Variants in CACNA2D3 observed in about 807,000 individuals in gnomAD.
CACNA2D3 encodes calcium voltage-gated channel auxiliary subunit alpha2delta 3, also known as voltage-dependent calcium channel subunit alpha-2/delta-3.
Under a neutral mutation model 160.6 loss-of-function variants are expected in CACNA2D3, and 60 were observed. The ratio of observed to expected loss-of-function variants is 0.37; its 90% confidence interval spans 0.30 to 0.46. The LOEUF is 0.46. Ranked by LOEUF, CACNA2D3 falls within the 20% of genes least tolerant of loss-of-function variation. CACNA2D3 has a pLI of 1.00. For missense variants in CACNA2D3, 1,205 were observed against 1,365.0 expected (o/e 0.88, Z 1.85); for synonymous variants, 558 against 492.9 (o/e 1.13, Z -1.75).
chr3:55,007,645 C>A (rs1167149917), intron 32 of CACNA2D3, 145 bp from the exon 33 acceptor site: 2 of 585,788 alleles, frequency 3.4e-6, no homozygotes, highest in Non-Finnish European at 5.9e-6. Flanking sequence ...CAACAATTTT[C>A]TTCACTTAGC....
At chr3:54,290,575 C>G (rs568805614) in intron 2 of CACNA2D3, among the ~76,000 whole-genome samples, 75 of 150,512 alleles carry the variant, frequency 5.0e-4, no homozygotes, top group African/African-American at 1.7e-3. Context: ...ACCCAAAGGA[C>G]TATAAATCAT....
intron 11 of CACNA2D3, among the ~76,000 whole-genome samples, chr3:54,727,703 A>G (rs1011773074): frequency 3.3e-5 from 5 of 152,228 alleles, no homozygotes; most frequent in Non-Finnish European, 7.3e-5. Context: ...TGGGAGTTCA[A>G]CAATGAAAAC....
intron 30 of CACNA2D3, among the ~76,000 whole-genome samples, chr3:54,987,436 T>G (rs1210536208): frequency 6.6e-6 from 1 of 152,192 alleles, no homozygotes. Flanking sequence ...ATGCGTGTTT[T>G]AATTTCAGCA....
intron 4 of CACNA2D3, among the ~76,000 whole-genome samples, chr3:54,394,726 G>C (rs1289821806): frequency 1.1e-5 from 1 of 93,628 alleles, no homozygotes; most frequent in Non-Finnish European, 2.1e-5. Context: ...TTGGACATTT[G>C]GGTTGGTTCC....
intron 3 of CACNA2D3, among the ~76,000 whole-genome samples, chr3:54,383,641 A>G (rs1019510318): frequency 6.6e-6 from 1 of 152,224 alleles, no homozygotes; most frequent in Non-Finnish European, 1.5e-5. Context: ...ATGTACTAAA[A>G]TGAGAGCAAT....
At chr3:54,234,802 A>G (rs960177542) in intron 2 of CACNA2D3, among the ~76,000 whole-genome samples, 2 of 152,142 alleles carry the variant, frequency 1.3e-5, no homozygotes, top group African/African-American at 4.8e-5. Flanking sequence ...AGTGGGAGCT[A>G]AATGATGAGA....
chr3:54,161,152 G>A (rs1238691268), intron 2 of CACNA2D3, among the ~76,000 whole-genome samples: 2 of 152,122 alleles, frequency 1.3e-5, no homozygotes, highest in Non-Finnish European at 2.9e-5. Context: ...ACGTAAAAGC[G>A]GTGTGAATCC....
intron 4 of CACNA2D3, among the ~76,000 whole-genome samples, chr3:54,435,209 C>G (rs567104446): frequency 6.6e-6 from 1 of 152,246 alleles, no homozygotes; most frequent in South Asian, 2.1e-4. Context: ...CACTCCACTC[C>G]CCTGCCCTTT....
intron 4 of CACNA2D3, among the ~76,000 whole-genome samples, chr3:54,442,398 G>A (rs1161204043): frequency 6.6e-6 from 1 of 152,124 alleles, no homozygotes; most frequent in African/African-American, 2.4e-5. Context: ...TGTGCTTGGA[G>A]GTGTAGCAGC....
chr3:54,143,002 A>G (rs62250997), intron 2 of CACNA2D3, among the ~76,000 whole-genome samples: 8,161 of 152,324 alleles, frequency 0.054, 321 homozygotes, highest in Non-Finnish European at 0.08. Flanking sequence ...AGGAGTAACT[A>G]GCTAACACTG....
intron 17 of CACNA2D3, among the ~76,000 whole-genome samples, chr3:54,850,815 A>G (rs971760471): frequency 6.6e-6 from 1 of 152,208 alleles, no homozygotes; most frequent in Non-Finnish European, 1.5e-5. Flanking sequence ...CAAACCCAGG[A>G]GATGAGGAAG....
At chr3:54,835,545 A>G (rs895763163) in intron 14 of CACNA2D3, among the ~76,000 whole-genome samples, 3 of 152,216 alleles carry the variant, frequency 2.0e-5, no homozygotes, top group African/African-American at 4.8e-5. Flanking sequence ...CAGCCAGTCA[A>G]TGGGGGCTTC....
chr3:54,869,800 C>T (rs1043987223), intron 17 of CACNA2D3, among the ~76,000 whole-genome samples: 1 of 152,180 alleles, frequency 6.6e-6, no homozygotes, highest in Non-Finnish European at 1.5e-5. Context: ...TCTGTTCAGC[C>T]CAAGACTGCA....
chr3:54,349,179 C>T (rs1276104687), intron 3 of CACNA2D3, among the ~76,000 whole-genome samples: 1 of 152,094 alleles, frequency 6.6e-6, no homozygotes, highest in Non-Finnish European at 1.5e-5. Context: ...GCTGTTCTTG[C>T]AATTGCAGCT....
chr3:54,871,558 G>A lies in CACNA2D3; in HGVS notation c.1646G>A (p.Arg549Gln), dbSNP rs373496650. 1.1e-5 allele frequency: 18 copies of A among 1,613,164 alleles called. No individual in the cohort carries two copies. The highest frequency in any genetic ancestry group is 6.7e-5 in the African/African-American group (5 of 74,914). The change falls in exon 18 of 38, where the codon CGA becomes CAA. Residue 549 changes from arginine (R) to glutamine (Q), a missense_variant. By Grantham distance (43) the Arg-to-Gln change is conservative. Transcript: ENST00000474759. ...LRLLYEEGKK[R>Q]RKPNYSSVDL... ...TGCTAGTACGAAGAAGGAAAAAAGC[G>A]AAGGAAACCTAACTATAGTAGCGTT...
At chr3:54,257,886 C>T (rs371618799) in intron 2 of CACNA2D3, among the ~76,000 whole-genome samples, 4 of 152,158 alleles carry the variant, frequency 2.6e-5, no homozygotes, top group Admixed American at 6.5e-5. Flanking sequence ...GAAGGACAAT[C>T]GAAGAAATTA....
intron 3 of CACNA2D3, among the ~76,000 whole-genome samples, chr3:54,325,104 G>A (rs926181401): frequency 6.6e-6 from 1 of 152,134 alleles, no homozygotes. Context: ...CCCTTCAGGG[G>A]GAGTAGCACA....
intron 3 of CACNA2D3, among the ~76,000 whole-genome samples, chr3:54,367,770 TG>T (rs1280357593): frequency 1.3e-5 from 2 of 152,192 alleles, no homozygotes; most frequent in Non-Finnish European, 2.9e-5. Flanking sequence ...CAGAGTTTTT[TG>T]GGTTATGTTC....
chr3:54,227,845 G>A (rs903632973), intron 2 of CACNA2D3, among the ~76,000 whole-genome samples: 3 of 152,032 alleles, frequency 2.0e-5, no homozygotes, highest in East Asian at 1.9e-4. Context: ...CACTGCACCC[G>A]GCCTGTCCAC....
Sources: gnomAD v4.1 joint callset for allele counts (sites outside exome capture counted in the v4.1 genomes callset) on GRCh38, gnomAD v4.1.1 for gene constraint, MANE v1.5 for transcripts, NCBI Gene and HGNC (gene_info 2026-07-23, HGNC 2026-07-21) for gene names.